The following DCDC1 variants were observed in gnomAD, a reference collection of about 807,000 sequenced individuals.
The protein encoded by DCDC1 is doublecortin domain containing 1.
A neutral mutation model predicts 178.3 loss-of-function variants in DCDC1; 200 were observed. That is an observed-to-expected ratio of 1.12 (90% confidence interval 1.00 to 1.26). DCDC1 has a LOEUF of 1.26. Ranked by LOEUF, DCDC1 falls within the 50% of genes most tolerant of loss-of-function variation. DCDC1 has a pLI of 0.00. For missense variants in DCDC1, 1,983 were observed against 1,749.2 expected, an observed-to-expected ratio of 1.13 and a Z score of -2.38; for synonymous variants, 690 against 604.8, an observed-to-expected ratio of 1.14 and a Z score of -2.07.
At chr11:30,900,643 A>G in intron 32 of DCDC1, 145 bp from the exon 33 acceptor site, 17 of 766,146 alleles carry the variant, frequency 2.2e-5, no homozygotes, top group Non-Finnish European at 2.9e-5. Flanking sequence ...AGACTAATGC[A>G]TAATTTTGGT....
At chr11:31,248,881 A>AT (rs1394131551) in intron 8 of DCDC1, among the ~76,000 whole-genome samples, 1 of 152,146 alleles carries the variant, frequency 6.6e-6, no homozygotes, top group Admixed American at 6.6e-5. Context: ...GTTCTTTTAC[A>AT]TAACTGTTAA....
intron 20 of DCDC1, among the ~76,000 whole-genome samples, chr11:30,972,941 C>A (rs945856870): frequency 1.3e-5 from 2 of 152,016 alleles, no homozygotes; most frequent in African/African-American, 4.8e-5. Flanking sequence ...GTGCTGTCCT[C>A]TTGTTAAGAG....
intron 36 of DCDC1, among the ~76,000 whole-genome samples, chr11:30,891,899 G>A (rs1402007316): frequency 1.3e-5 from 2 of 151,946 alleles, no homozygotes; most frequent in Non-Finnish European, 2.9e-5. Context: ...TAATGTCCAG[G>A]GGCAGAACCA....
chr11:31,200,955 AAAC>A (rs1971225881), intron 9 of DCDC1, among the ~76,000 whole-genome samples: 1 of 151,856 alleles, frequency 6.6e-6, no homozygotes, highest in South Asian at 2.1e-4. Flanking sequence ...AGAAAAAAAA[AAAC>A]AAAAAATCTT....
intron 20 of DCDC1, among the ~76,000 whole-genome samples, chr11:31,064,002 T>C (rs1456544161): frequency 2.6e-5 from 4 of 152,178 alleles, no homozygotes; most frequent in African/African-American, 9.7e-5. Flanking sequence ...TCAATGATGT[T>C]ATTTTTATTC....
intron 9 of DCDC1, among the ~76,000 whole-genome samples, chr11:31,210,940 A>G (rs1168090061): frequency 6.6e-6 from 1 of 152,182 alleles, no homozygotes; most frequent in East Asian, 1.9e-4. Flanking sequence ...GAATGGATAA[A>G]TATCTCTATT....
chr11:31,014,636 T>G (rs1415933452), intron 20 of DCDC1, among the ~76,000 whole-genome samples: 1 of 152,210 alleles, frequency 6.6e-6, no homozygotes, highest in Admixed American at 6.5e-5. Context: ...CTTAAAAGCC[T>G]GCTGCTAACT....
intron 11 of DCDC1, among the ~76,000 whole-genome samples, chr11:31,113,792 A>T (rs191615489): frequency 8.8e-4 from 134 of 152,314 alleles, no homozygotes; most frequent in African/African-American, 3.0e-3. Flanking sequence ...TAATAAAAAA[A>T]AATTATTCTT....
chr11:30,872,148 G>A (rs886147112), intron 38 of DCDC1, among the ~76,000 whole-genome samples: 1 of 152,046 alleles, frequency 6.6e-6, no homozygotes, highest in Admixed American at 6.6e-5. Flanking sequence ...GTGCCTGTTA[G>A]TCCAACATTC....
chr11:31,056,837 C>G (rs1256919233), intron 20 of DCDC1, among the ~76,000 whole-genome samples: 1 of 152,032 alleles, frequency 6.6e-6, no homozygotes, highest in African/African-American at 2.4e-5. Context: ...TTGAAATATA[C>G]AGAACACTGC....
At chr11:30,892,089 A>G (rs1037682077) in intron 36 of DCDC1, among the ~76,000 whole-genome samples, 23 of 152,238 alleles carry the variant, frequency 1.5e-4, no homozygotes, top group African/African-American at 5.5e-4. Context: ...ACAAACTACT[A>G]TTTAAGACAT....
intron 1 of DCDC1, among the ~76,000 whole-genome samples, chr11:31,348,302 T>C (rs571357339): frequency 6.6e-6 from 1 of 152,164 alleles, no homozygotes; most frequent in African/African-American, 2.4e-5. Context: ...AAAGCATGCA[T>C]GTGGAAGAAA....
rs143545381 is a variant in DCDC1, at chr11:31,148,528, A to C, written c.1222-10744T>G. The stretch of plus-strand genomic sequence containing the variant: ...GTCTCAAAAAATAAAATAAATAAAT[A>C]AATAAATAAGTTTCTTTAAGTGCTA... On this transcript the variant is annotated intron_variant, in intron 9 of 38. Transcript: ENST00000684477. Among the ~76,000 whole-genome samples, 8 of 152,168 alleles carry C rather than the reference A, an allele frequency of 5.3e-5. No homozygotes were observed. The East Asian group carries it at 1.5e-3, about 29-fold the overall frequency.
chr11:31,099,146 C>T (rs1335605779), intron 15 of DCDC1, among the ~76,000 whole-genome samples: 1 of 152,160 alleles, frequency 6.6e-6, no homozygotes, highest in African/African-American at 2.4e-5. Flanking sequence ...TATCTCTTTG[C>T]TATCCAATTG....
At chr11:31,027,735 A>C (rs992480749) in intron 20 of DCDC1, among the ~76,000 whole-genome samples, 5 of 151,868 alleles carry the variant, frequency 3.3e-5, no homozygotes. Flanking sequence ...GGCATAAAAA[A>C]CTTCTTGTAG....
intron 34 of DCDC1, 129 bp downstream of exon 34, chr11:30,899,412 C>T: frequency 4.1e-6 from 2 of 484,864 alleles, no homozygotes; most frequent in Non-Finnish European, 6.5e-6. Flanking sequence ...TTCTGTAAAA[C>T]AATATTTATA....
chr11:30,909,339 A>G lies in DCDC1; in HGVS notation c.3748-223T>C, dbSNP rs536365972. ...AAAATAGAATCATAAAATGCATACA[A>G]TTTGGTAACTGCAATTTTTTTTCTT... On this transcript the variant is annotated intron_variant, in intron 28 of 38. Transcript: ENST00000684477. 4.3e-4 allele frequency among the ~76,000 whole-genome samples: 66 copies of G among 152,268 alleles called. 1 individual carries two copies. Among genetic ancestry groups the G allele is most frequent in the African/African-American group, 1.6e-3 (65 of 41,562 alleles).
chr11:31,290,631 T>A lies in DCDC1; in HGVS notation c.960+16A>T, dbSNP rs768869205. 3.8e-6 allele frequency: 6 copies of A among 1,591,792 alleles called. No individual in the cohort carries two copies. In the Admixed American group the frequency reaches 1.1e-4, roughly 29 times the overall value. The stretch of plus-strand genomic sequence containing the variant: ...TTGAAATTAAATTCATAGTTCAATA[T>A]TTAATTAAAAATTACCTTTTTCATT... On this transcript the variant is annotated intron_variant, in intron 7 of 38. Coordinates refer to ENST00000684477, the MANE Select transcript of DCDC1 (RefSeq NM_001387274.1).
Position 31,064,275 on chromosome 11 carries a change from C to T in DCDC1, c.2591+194G>A, listed in dbSNP as rs11031273. Among the ~76,000 whole-genome samples the T allele has an allele frequency of 2.5e-3, 388 of 152,240 alleles. 6 individuals carry two copies. In the East Asian group the frequency reaches 0.052, roughly 21 times the overall value. On this transcript the variant is annotated intron_variant, in intron 20 of 38. Transcript: ENST00000684477. Reference sequence around the variant, plus strand: ...TCCTAAGTATAATAATAAACAATAACATACATCAATCTTCAACAAAATACA... The same window carrying T: ...TCCTAAGTATAATAATAAACAATAATATACATCAATCTTCAACAAAATACA...
Sources: gnomAD v4.1 joint callset for allele counts (sites outside exome capture counted in the v4.1 genomes callset) on GRCh38, gnomAD v4.1.1 for gene constraint, MANE v1.5 for transcripts, NCBI Gene and HGNC (gene_info 2026-07-23, HGNC 2026-07-21) for gene names.